The following PBLD variants were observed in gnomAD, a reference collection of about 807,000 sequenced individuals.
PBLD encodes phenazine biosynthesis like protein domain containing.
A neutral mutation model predicts 31.3 loss-of-function variants in PBLD; 26 were observed. The ratio of observed to expected loss-of-function variants is 0.83; its 90% CI spans 0.61 to 1.15. The LOEUF is 1.15. Ranked by LOEUF, PBLD falls within the 50% of genes most tolerant of loss-of-function variation. The pLI, the probability that PBLD is intolerant of heterozygous loss-of-function variation, is 0.00. For synonymous variants in PBLD, 114 were observed against 129.0 expected (o/e 0.88, Z 0.79); for missense variants, 307 against 351.7 (o/e 0.87, Z 1.02).
chr10:68,327,673 C>CAAAA (rs35759039), intron 1 of PBLD, among the ~76,000 whole-genome samples: 25 of 68,752 alleles, frequency 3.6e-4, no homozygotes, highest in African/African-American at 1.0e-3. Flanking sequence ...GACTCCACCT[C>CAAAA]AAAAAAAAAA....
chr10:68,305,076 T>C (rs967984371), intron 2 of PBLD, among the ~76,000 whole-genome samples: 10 of 152,180 alleles, frequency 6.6e-5, no homozygotes, highest in African/African-American at 2.4e-4. Context: ...TTAATAATAT[T>C]CCACCAGGTG....
chr10:68,303,418 C>T (rs61857265), intron 2 of PBLD, among the ~76,000 whole-genome samples: 151,805 of 151,806 alleles, frequency 1, 75,902 homozygotes, highest in Non-Finnish European at 1. Flanking sequence ...AATATTTGTT[C>T]TATGTTTCCA....
chr10:68,307,691 G>A (rs1160835359), intron 1 of PBLD, among the ~76,000 whole-genome samples: 4 of 151,972 alleles, frequency 2.6e-5, no homozygotes, highest in African/African-American at 9.7e-5. Flanking sequence ...AGTAGAGATG[G>A]AGTTTCACCA....
At chr10:68,291,968 A>C (rs1449689903) in intron 6 of PBLD, 42 bp downstream of exon 6, 6 of 1,528,568 alleles carry the variant, frequency 3.9e-6, no homozygotes. Flanking sequence ...GTGTGCAAAC[A>C]ATAACAAATA....
chr10:68,327,378 G>C (rs1227529301), intron 1 of PBLD, among the ~76,000 whole-genome samples: 1 of 151,862 alleles, frequency 6.6e-6, no homozygotes, highest in East Asian at 1.9e-4. Flanking sequence ...CTACCACCAA[G>C]AAGCTTAAAA....
chr10:68,292,447 G>A (rs1156645982), intron 4 of PBLD, among the ~76,000 whole-genome samples: 1 of 151,748 alleles, frequency 6.6e-6, no homozygotes, highest in Non-Finnish European at 1.5e-5. Context: ...CAGATGTGGC[G>A]TCATACTTCA....
At chr10:68,301,011 C>G (rs1236116793) in intron 2 of PBLD, among the ~76,000 whole-genome samples, 5 of 152,158 alleles carry the variant, frequency 3.3e-5, no homozygotes, top group African/African-American at 1.2e-4. Flanking sequence ...ATTCTCCTGC[C>G]TCAGCGTCCT....
chr10:68,291,393 ATCTTG>A (rs1228600448), intron 6 of PBLD, among the ~76,000 whole-genome samples: 1 of 152,216 alleles, frequency 6.6e-6, no homozygotes, highest in African/African-American at 2.4e-5. Flanking sequence ...CATGTTCTGT[ATCTTG>A]TCTTATCTGC....
At chr10:68,291,268 G>T (rs1357425527) in intron 6 of PBLD, among the ~76,000 whole-genome samples, 1 of 152,156 alleles carries the variant, frequency 6.6e-6, no homozygotes, top group Non-Finnish European at 1.5e-5. Context: ...AGAATTAAAT[G>T]GACAATGCAA....
At chr10:68,303,933 T>C (rs2044542446) in intron 2 of PBLD, among the ~76,000 whole-genome samples, 1 of 152,348 alleles carries the variant, frequency 6.6e-6, no homozygotes, top group Non-Finnish European at 1.5e-5. Flanking sequence ...TCTTTTAGTC[T>C]CTGTAGTGAC....
intron 1 of PBLD, among the ~76,000 whole-genome samples, chr10:68,316,268 A>C (rs191049054): frequency 6.6e-6 from 1 of 152,284 alleles, no homozygotes; most frequent in Non-Finnish European, 1.5e-5. Context: ...GTCTCATCAA[A>C]TAAAGAATAT....
chr10:68,288,412 G>A (rs1430318236), intron 8 of PBLD, 71 bp downstream of exon 8: 3 of 1,518,114 alleles, frequency 2.0e-6, no homozygotes, highest in Non-Finnish European at 8.9e-7. Context: ...CACAGGAAGT[G>A]CACTTAAATA....
chr10:68,306,605 C>A (rs1221703600), intron 2 of PBLD, among the ~76,000 whole-genome samples, 156 bp downstream of exon 2: 1 of 152,118 alleles, frequency 6.6e-6, no homozygotes, highest in Non-Finnish European at 1.5e-5. Context: ...ATACTTTGGT[C>A]AAAATCAACT....
intron 6 of PBLD, among the ~76,000 whole-genome samples, chr10:68,291,124 A>G (rs1258931554): frequency 6.6e-6 from 1 of 152,222 alleles, no homozygotes; most frequent in Non-Finnish European, 1.5e-5. Context: ...CATTTTTCTC[A>G]TGACAGCCCT....
At chr10:68,300,989 C>G (rs925743247) in intron 2 of PBLD, among the ~76,000 whole-genome samples, 7 of 152,116 alleles carry the variant, frequency 4.6e-5, no homozygotes, top group Admixed American at 6.5e-5. Context: ...CTCTGCCTCC[C>G]AGGTTCAAGT....
chr10:68,292,426 A>T (rs1170126649), intron 4 of PBLD, among the ~76,000 whole-genome samples, 188 bp from the exon 5 acceptor site: 3 of 152,186 alleles, frequency 2.0e-5, no homozygotes, highest in African/African-American at 7.2e-5. Flanking sequence ...AGAACCAAGA[A>T]CATAACTGAT....
At chr10:68,291,929 CTT>C (rs932836207) in intron 6 of PBLD, 79 bp downstream of exon 6, 14 of 1,398,264 alleles carry the variant, frequency 1.0e-5, no homozygotes, top group Non-Finnish European at 1.3e-5. Flanking sequence ...AAATGCCTAT[CTT>C]TGTGGATCAA....
At chr10:68,329,284 G>C (rs1487871186) in intron 1 of PBLD, among the ~76,000 whole-genome samples, 4 of 151,900 alleles carry the variant, frequency 2.6e-5, no homozygotes, top group African/African-American at 9.7e-5. Context: ...CACTGGCAGA[G>C]TGCCTGACCC....
intron 2 of PBLD, among the ~76,000 whole-genome samples, chr10:68,303,286 A>G (rs955731304): frequency 6.6e-6 from 1 of 151,786 alleles, no homozygotes; most frequent in Non-Finnish European, 1.5e-5. Flanking sequence ...GGGTTTCACC[A>G]TGTTGGCCAG....
Sources: gnomAD v4.1 joint callset for allele counts (sites outside exome capture counted in the v4.1 genomes callset) on GRCh38, gnomAD v4.1.1 for gene constraint, MANE v1.5 for transcripts, NCBI Gene and HGNC (gene_info 2026-07-23, HGNC 2026-07-21) for gene names.